The following WDFY4 variants were observed in gnomAD, a reference collection of about 807,000 sequenced individuals.
WDFY4 encodes WDFY family member 4, also known as WD repeat- and FYVE domain-containing protein 4.
Under a neutral mutation model 351.9 loss-of-function variants are expected in WDFY4, and 169 were observed. That is an observed-to-expected ratio of 0.48 (90% CI 0.42 to 0.55). WDFY4 has a LOEUF of 0.55. Ranked by LOEUF, WDFY4 falls within the 20% of genes least tolerant of loss-of-function variation. The pLI, the probability that WDFY4 is intolerant of heterozygous loss-of-function variation, is 0.00. For synonymous variants in WDFY4, 1,622 were observed against 1,574.6 expected, an observed-to-expected ratio of 1.03 and a Z score of -0.71; for missense variants, 3,803 against 3,935.6, an observed-to-expected ratio of 0.97 and a Z score of 0.90.
chr10:48,743,687 A>G (rs1444953048), intron 12 of WDFY4, 139 bp downstream of exon 12: 2 of 1,020,120 alleles, frequency 2.0e-6, no homozygotes, highest in South Asian at 1.7e-5. Context: ...AACTTCCTCA[A>G]ATCAAGTTAG....
intron 47 of WDFY4, among the ~76,000 whole-genome samples, chr10:48,939,745 C>G (rs566525636): frequency 8.5e-5 from 13 of 152,274 alleles, no homozygotes; most frequent in African/African-American, 3.1e-4. Context: ...ATAGATCTCA[C>G]CTTTGGTTAG....
At position 48,826,434 on chromosome 10, in the gene WDFY4, T is replaced by C. The variant is rs191379304; in HGVS notation, c.5983-237T>C. Among the ~76,000 whole-genome samples, 6 of 152,326 alleles carry C rather than the reference T, an allele frequency of 3.9e-5. No individual in the cohort carries two copies. The East Asian group carries it at 1.2e-3, about 29-fold the overall frequency. On this transcript the variant is annotated intron_variant, in intron 35 of 61. Coordinates refer to ENST00000325239, the MANE Select transcript of WDFY4 (RefSeq NM_001394531.1). ...CCAGCTTTGTTTTTTTTGCTTTGGA[T>C]TGTCTTGGCTATATGAGCTCTTTTT...
Position 48,776,741 on chromosome 10 carries a change from C to A in WDFY4, c.2864-9C>A. The A allele has an allele frequency of 6.6e-7, 1 of 1,513,954 alleles. No homozygotes were observed. Among genetic ancestry groups the A allele is most frequent in the Admixed American group, 2.2e-5 (1 of 45,264 alleles). The allele number at this position is 1,513,954 out of a possible 1,614,324, so 93.8% of individuals were successfully genotyped here. ...AGAGACACATCTCTTCTCTTGCTTGCTGCCCTAGGGTCACAGACTGCACAG... is the reference window on the plus strand; with the variant it reads ...AGAGACACATCTCTTCTCTTGCTTGATGCCCTAGGGTCACAGACTGCACAG... On this transcript the variant is annotated splice_polypyrimidine_tract_variant and intron_variant, in intron 15 of 61. Transcript: ENST00000325239.
intron 47 of WDFY4, among the ~76,000 whole-genome samples, chr10:48,925,034 TG>T: frequency 6.6e-6 from 1 of 152,338 alleles, no homozygotes; most frequent in Non-Finnish European, 1.5e-5. Context: ...AGCCAGTATT[TG>T]GGACTAGCTT....
intron 23 of WDFY4, among the ~76,000 whole-genome samples, chr10:48,792,890 G>C (rs956374632): frequency 6.6e-6 from 1 of 152,134 alleles, no homozygotes; most frequent in East Asian, 1.9e-4. Flanking sequence ...GGTGGGCGCG[G>C]TGAGCTCTCA....
At position 48,773,384 on chromosome 10, in the gene WDFY4, A is replaced by G. The variant is rs372621952; in HGVS notation, c.2554-1074A>G. 5.3e-5 allele frequency among the ~76,000 whole-genome samples: 8 copies of G among 152,240 alleles called. No individual in the cohort carries two copies. The East Asian group carries it at 9.6e-4, about 18-fold the overall frequency. On this transcript the variant is annotated intron_variant, in intron 13 of 61. Transcript: ENST00000325239. Reference sequence around the variant, plus strand: ...TGATACGACATCTTATCCAGCAACAAAAGAGAATGTGGACAGTCCTAAGAG... The same window carrying G: ...TGATACGACATCTTATCCAGCAACAGAAGAGAATGTGGACAGTCCTAAGAG...
intron 15 of WDFY4, 98 bp from the exon 16 acceptor site, chr10:48,776,652 T>A: frequency 1.6e-6 from 2 of 1,237,124 alleles, no homozygotes; most frequent in Non-Finnish European, 2.2e-6. Flanking sequence ...TGCGAAACTC[T>A]CTTTCTGGGC....
chr10:48,838,582 T>C (rs924177205), intron 39 of WDFY4, among the ~76,000 whole-genome samples: 1 of 152,190 alleles, frequency 6.6e-6, no homozygotes, highest in African/African-American at 2.4e-5. Flanking sequence ...AAAATCATTG[T>C]GGAAATTCTC....
chr10:48,914,135 G>C lies in WDFY4; in HGVS notation c.7586+12272G>C, dbSNP rs753243637. The C allele has an allele frequency of 7.4e-6, 12 of 1,613,908 alleles. No individual in the cohort carries two copies. The Admixed American group carries it at 1.8e-4, about 25-fold the overall frequency. On this transcript the variant is annotated intron_variant, in intron 47 of 61. Coordinates refer to ENST00000325239, the MANE Select transcript of WDFY4 (RefSeq NM_001394531.1). ...TGAGGGTGATCTTCTTGCCCTTGGG[G>C]CCTTTCTCACCCTTAACCATGTTCT... is the stretch of plus-strand genomic sequence containing the variant.
At chr10:48,738,289 C>T (rs963897134) in intron 11 of WDFY4, among the ~76,000 whole-genome samples, 7 of 152,206 alleles carry the variant, frequency 4.6e-5, no homozygotes, top group African/African-American at 1.7e-4. Flanking sequence ...CCAGAGGCAT[C>T]GTATTGGAGT....
intron 1 of WDFY4, among the ~76,000 whole-genome samples, chr10:48,695,825 G>A (rs563149130): frequency 2.6e-5 from 4 of 152,160 alleles, no homozygotes; most frequent in African/African-American, 9.6e-5. Flanking sequence ...ACTGCTCCCT[G>A]GCCATTTTTG....
chr10:48,810,561 C>T lies in WDFY4; in HGVS notation c.4870C>T (p.Pro1624Ser). Residue 1624 changes from proline to serine, a missense_variant, in exon 29 of 62, where the codon CCT (proline) becomes TCT (serine). Pro to Ser is a moderately conservative substitution (Grantham distance 74). Coordinates refer to ENST00000325239, the MANE Select transcript of WDFY4 (RefSeq NM_001394531.1). ...GGAAGAGATGTTTCTGAAACTGGGG[C>T]CTGACTGGTTCCTGCTGCTCCTGCA... ...SKEEMFLKLG[P>S]DWFLLLLQGH... The T allele has an allele frequency of 6.4e-7, 1 of 1,551,686 alleles. No homozygotes were observed. The highest frequency in any genetic ancestry group is 8.7e-7 in the Non-Finnish European group (1 of 1,146,976).
chr10:48,888,522 C>T (rs941701876), intron 43 of WDFY4, among the ~76,000 whole-genome samples: 1 of 152,028 alleles, frequency 6.6e-6, no homozygotes, highest in Admixed American at 6.6e-5. Context: ...ATGCCATCTC[C>T]ACCCAGCAGT....
chr10:48,719,900 G>A (rs2064024491), intron 2 of WDFY4, 111 bp from the exon 3 acceptor site: 1 of 964,192 alleles, frequency 1.0e-6, no homozygotes, highest in Admixed American at 2.1e-5. Flanking sequence ...ATGCACCTGG[G>A]AAAGGAAGTC....
intron 24 of WDFY4, among the ~76,000 whole-genome samples, chr10:48,800,795 C>T (rs959434218): frequency 3.5e-5 from 5 of 144,174 alleles, no homozygotes; most frequent in South Asian, 2.2e-4. Context: ...GGCAGTGGTG[C>T]GATCTCAGCT....
chr10:48,943,695 C>A (rs140977265), intron 49 of WDFY4, among the ~76,000 whole-genome samples: 5 of 152,126 alleles, frequency 3.3e-5, no homozygotes, highest in African/African-American at 1.2e-4. Context: ...TGGGTTCAAG[C>A]GATTCTCCTG....
At chr10:48,888,759 T>G (rs1001209446) in intron 43 of WDFY4, among the ~76,000 whole-genome samples, 11 of 152,224 alleles carry the variant, frequency 7.2e-5, no homozygotes, top group African/African-American at 1.9e-4. Context: ...TCCAAGCTTT[T>G]CCAGAACTTA....
rs142424148 is a variant in WDFY4 at position 48,745,575 on chromosome 10, A to C, written c.2459+2027A>C. On this transcript the variant is annotated intron_variant, in intron 12 of 61. Transcript: ENST00000325239. ...TCTTGAGGGCCTCTGTGTATTTGTC[A>C]GTTTTCTTCTCCACGTTCTTTTTGG... is the stretch of plus-strand genomic sequence containing the variant. 2.2e-3 allele frequency: 1,051 copies of C among 482,234 alleles called. 10 individuals are homozygous for C. The highest frequency in any genetic ancestry group is 0.018 in the African/African-American group (932 of 50,684). 29.9% of individuals were successfully genotyped at this position (482,234 alleles called of 1,614,324 possible).
rs781400076 is a variant in WDFY4 at position 48,913,678 on chromosome 10, G to A, written c.7586+11815G>A. The A allele has an allele frequency of 5.6e-6, 9 of 1,613,418 alleles. No individual in the cohort carries two copies. The Admixed American group carries it at 1.2e-4, about 21-fold the overall frequency. On this transcript the variant is annotated intron_variant, in intron 47 of 61. Transcript: ENST00000325239. Reference sequence around the variant, plus strand: ...TTGGGGAGCTTGGAGATGCTCACGGGGATGTTGTTCAGTAGGTTGTCATGG... The same window carrying A: ...TTGGGGAGCTTGGAGATGCTCACGGAGATGTTGTTCAGTAGGTTGTCATGG...
Sources: allele counts gnomAD v4.1 joint callset (sites outside exome capture counted in the v4.1 genomes callset), GRCh38; gene constraint gnomAD v4.1.1; transcripts MANE v1.5; gene names NCBI Gene and HGNC (gene_info 2026-07-23, HGNC 2026-07-21).